RYR3: variants seen among roughly 807,000 people sequenced by gnomAD.
The protein encoded by RYR3 is brain ryanodine receptor-calcium release channel.
A neutral mutation model predicts 584.3 loss-of-function variants in RYR3; 207 were observed. That is an observed-to-expected ratio of 0.35 (90% CI 0.32 to 0.40). The LOEUF (loss-of-function observed/expected upper bound fraction) is 0.40, where lower values mean the gene tolerates loss of function less well. Among genes scored for constraint, RYR3 ranks in the 10% least tolerant of loss-of-function variants. RYR3 has a pLI of 1.00. For missense variants in RYR3, 5,616 were observed against 6,089.2 expected, an observed-to-expected ratio of 0.92 and a Z score of 2.59; for synonymous variants, 2,416 against 2,248.5, an observed-to-expected ratio of 1.07 and a Z score of -2.11.
At chr15:33,719,520 T>C (rs2067745428) in intron 43 of RYR3, among the ~76,000 whole-genome samples, 1 of 152,202 alleles carries the variant, frequency 6.6e-6, no homozygotes, top group African/African-American at 2.4e-5. Flanking sequence ...ATTAACAGAG[T>C]TGGGTTTTTT....
intron 43 of RYR3, among the ~76,000 whole-genome samples, chr15:33,716,162 A>G (rs1469385278): frequency 2.6e-5 from 4 of 152,118 alleles, no homozygotes; most frequent in Admixed American, 2.6e-4. Flanking sequence ...CTCACCAGAA[A>G]CCAAGCAGTT....
Position 33,521,039 on chromosome 15 carries a change from G to T in RYR3, c.280-9553G>T, listed in dbSNP as rs184856317. The stretch of plus-strand genomic sequence containing the variant: ...TTTTTAAAGTCTTGGAAGGCAGGAG[G>T]TTCCCCAGTTGTCTTCAGTTGCACA... On this transcript the variant is annotated intron_variant, in intron 3 of 103. Coordinates refer to ENST00000634891, the MANE Select transcript of RYR3 (RefSeq NM_001036.6). 5.3e-5 allele frequency among the ~76,000 whole-genome samples: 8 copies of T among 152,254 alleles called. No individual in the cohort carries two copies. The South Asian group carries it at 6.2e-4, about 12-fold the overall frequency.
chr15:33,680,967 G>A (rs2064560301), intron 38 of RYR3, among the ~76,000 whole-genome samples: 1 of 152,238 alleles, frequency 6.6e-6, no homozygotes, highest in Non-Finnish European at 1.5e-5. Context: ...TGTGCTGTCT[G>A]TAATCTACAT....
intron 12 of RYR3, among the ~76,000 whole-genome samples, chr15:33,568,861 GC>G (rs1426439751): frequency 2.0e-5 from 3 of 152,144 alleles, no homozygotes; most frequent in Non-Finnish European, 2.9e-5. Context: ...GCCACCCACA[GC>G]CCTAGGCAAC....
At position 33,865,655 on chromosome 15, in the gene RYR3, A is replaced by ATAAC. The variant is rs1890260786; in HGVS notation, c.*431_*434dup. ...GGGTCTGAACTCACTCCAAAAGATAATAACTGCAGTCTAATTTTTCCCATG... is the reference window on the plus strand; with the variant it reads ...GGGTCTGAACTCACTCCAAAAGATAATAACTAACTGCAGTCTAATTTTTCCCATG... On this transcript the variant is annotated 3_prime_UTR_variant, in exon 104 of 104. Transcript: ENST00000634891. 1 of 157,302 alleles carries ATAAC rather than the reference A, an allele frequency of 6.4e-6. No homozygotes were observed. Among genetic ancestry groups the ATAAC allele is most frequent in the South Asian group, 2.0e-4 (1 of 5,096 alleles). The allele number at this position is 157,302 out of a possible 1,614,324, so 9.7% of individuals were successfully genotyped here.
intron 28 of RYR3, among the ~76,000 whole-genome samples, chr15:33,645,433 C>T (rs1232975277): frequency 6.6e-6 from 1 of 152,152 alleles, no homozygotes; most frequent in African/African-American, 2.4e-5. Flanking sequence ...CTCATCCTCC[C>T]ATCTGAATTC....
At chr15:33,554,531 C>T (rs931173201) in intron 10 of RYR3, among the ~76,000 whole-genome samples, 2 of 152,024 alleles carry the variant, frequency 1.3e-5, no homozygotes, top group Admixed American at 6.6e-5. Flanking sequence ...CTCCTGACCT[C>T]GTGATCCGCC....
chr15:33,820,483 C>T (rs978345796), intron 77 of RYR3, among the ~76,000 whole-genome samples: 1 of 152,176 alleles, frequency 6.6e-6, no homozygotes, highest in African/African-American at 2.4e-5. Flanking sequence ...TAGAAGAGTT[C>T]AAGTCTGTGG....
intron 43 of RYR3, among the ~76,000 whole-genome samples, chr15:33,721,657 A>G (rs777540396): frequency 6.6e-6 from 1 of 152,168 alleles, no homozygotes; most frequent in African/African-American, 2.4e-5. Flanking sequence ...ATGATTTTGT[A>G]GAGTTTTTCT....
At chr15:33,679,689 T>A (rs1030803676) in intron 38 of RYR3, among the ~76,000 whole-genome samples, 3 of 152,186 alleles carry the variant, frequency 2.0e-5, no homozygotes, top group Non-Finnish European at 4.4e-5. Flanking sequence ...GGACTCTTAT[T>A]CCCTGACCAG....
rs74320589 is a variant in RYR3 at position 33,640,690 on chromosome 15, G to A, written c.3557-3621G>A. Among the ~76,000 whole-genome samples the A allele has an allele frequency of 4.4e-3, 673 of 152,256 alleles. 1 individual carries two copies. The highest frequency in any genetic ancestry group is 0.015 in the African/African-American group (630 of 41,536). ...TTATAATACCAAGTGTATCAGAACT[G>A]GGGGTCCTGTACAAAATGTAAATGC... is the stretch of plus-strand genomic sequence containing the variant. On this transcript the variant is annotated intron_variant, in intron 27 of 103. Transcript: ENST00000634891.
At chr15:33,400,198 T>C (rs1457464546) in intron 1 of RYR3, among the ~76,000 whole-genome samples, 2 of 152,224 alleles carry the variant, frequency 1.3e-5, no homozygotes, top group African/African-American at 2.4e-5. Flanking sequence ...CGTTAATTCA[T>C]ATCCTAACAC....
At chr15:33,802,605 C>T (rs2075978797) in intron 69 of RYR3, among the ~76,000 whole-genome samples, 1 of 152,200 alleles carries the variant, frequency 6.6e-6, no homozygotes, top group Non-Finnish European at 1.5e-5. Flanking sequence ...AGCCTCCCAC[C>T]TCCTCTTGCG....
intron 3 of RYR3, among the ~76,000 whole-genome samples, chr15:33,504,607 C>T (rs1220859040): frequency 6.6e-6 from 1 of 152,174 alleles, no homozygotes; most frequent in Non-Finnish European, 1.5e-5. Context: ...ACAATTATTA[C>T]AGTTGCCTGT....
At position 33,623,954 on chromosome 15, in the gene RYR3, A is replaced by C. The variant is rs757937663; in HGVS notation, c.2505A>C (p.Arg835Ser). 1 of 1,614,006 alleles carries C rather than the reference A, an allele frequency of 6.2e-7. No individual in the cohort carries two copies. The highest frequency in any genetic ancestry group is 1.1e-5 in the South Asian group (1 of 91,090). Residue 835 changes from arginine (R) to serine (S), a missense_variant, in exon 20 of 104, where the codon AGA becomes AGC. Arg to Ser is a moderately radical substitution (Grantham distance 110). Coordinates refer to ENST00000634891, the MANE Select transcript of RYR3 (RefSeq NM_001036.6). ...ATAAACGTGATGCTGATGGCATTAG[A>C]GATCTCTTGGGTACCACCCAGTTCC... is the stretch of plus-strand genomic sequence containing the variant. The part of the protein sequence containing the change: ...KEYKRDADGI[R>S]DLLGTTQFLS...
At chr15:33,580,260 CAA>C (rs2058522800) in intron 13 of RYR3, 116 bp downstream of exon 13, 2 of 854,804 alleles carry the variant, frequency 2.3e-6, no homozygotes, top group African/African-American at 3.4e-5. Flanking sequence ...AGCCAGAGGA[CAA>C]GAGAGATTTG....
intron 60 of RYR3, among the ~76,000 whole-genome samples, chr15:33,766,043 G>T (rs1745842163): frequency 6.6e-6 from 1 of 152,132 alleles, no homozygotes; most frequent in Non-Finnish European, 1.5e-5. Context: ...CATTTGGGGA[G>T]GCTGAGGTGG....
intron 3 of RYR3, among the ~76,000 whole-genome samples, chr15:33,506,862 T>C (rs1475759716): frequency 6.6e-6 from 1 of 152,160 alleles, no homozygotes; most frequent in Non-Finnish European, 1.5e-5. Flanking sequence ...GAAGAAAATA[T>C]TCAGCAGGGA....
intron 3 of RYR3, among the ~76,000 whole-genome samples, chr15:33,507,354 C>T (rs1361395360): frequency 6.6e-6 from 1 of 152,210 alleles, no homozygotes; most frequent in Non-Finnish European, 1.5e-5. Context: ...GAAGGAGAAT[C>T]AGTGATGAGG....
Sources: gnomAD v4.1 joint callset for allele counts (sites outside exome capture counted in the v4.1 genomes callset) on GRCh38, gnomAD v4.1.1 for gene constraint, MANE v1.5 for transcripts, NCBI Gene and HGNC (gene_info 2026-07-23, HGNC 2026-07-21) for gene names.